Variants in UBE2D3 observed in about 807,000 individuals in gnomAD.
UBE2D3 encodes ubiquitin conjugating enzyme E2 D3, also known as ubiquitin-conjugating enzyme E2 D3.
UBE2D3 carries 2 observed loss-of-function variants against 22.8 expected under a neutral mutation model. The observed-to-expected ratio is 0.09, with a 90% confidence interval of 0.04 to 0.28. The LOEUF (loss-of-function observed/expected upper bound fraction) is 0.28, where lower values mean the gene tolerates loss of function less well. Ranked by LOEUF, UBE2D3 falls within the 10% of genes least tolerant of loss-of-function variation. The pLI is 1.00. For missense variants in UBE2D3, 27 were observed against 182.5 expected, an observed-to-expected ratio of 0.15 and a Z score of 4.91; for synonymous variants, 56 against 60.4, an observed-to-expected ratio of 0.93 and a Z score of 0.34.
chr4:102,840,991 G>T (rs1731721411), intron 1 of UBE2D3, among the ~76,000 whole-genome samples: 1 of 151,464 alleles, frequency 6.6e-6, no homozygotes, highest in African/African-American at 2.4e-5. Context: ...CTGCACTCCA[G>T]TCTGGGTGAC....
chr4:102,820,446 G>A (rs1359322610), intron 2 of UBE2D3, among the ~76,000 whole-genome samples: 1 of 152,262 alleles, frequency 6.6e-6, no homozygotes, highest in South Asian at 2.1e-4. Flanking sequence ...AGGTTTAACA[G>A]TAGGCACTGC....
chr4:102,860,201 G>GT (rs1317293097), intron 1 of UBE2D3, among the ~76,000 whole-genome samples: 3 of 149,206 alleles, frequency 2.0e-5, no homozygotes, highest in African/African-American at 7.3e-5. Context: ...TTCATGTATT[G>GT]TTTTCCTGAT....
intron 1 of UBE2D3, among the ~76,000 whole-genome samples, chr4:102,853,133 A>AT (rs1732445840): frequency 1.0e-5 from 1 of 97,302 alleles, no homozygotes; most frequent in Non-Finnish European, 2.0e-5. Context: ...ACAAACACAC[A>AT]CATTTTTTTT....
chr4:102,841,847 C>G (rs1255497096), intron 1 of UBE2D3, among the ~76,000 whole-genome samples: 1 of 152,134 alleles, frequency 6.6e-6, no homozygotes, highest in Non-Finnish European at 1.5e-5. Context: ...CATATTTGGT[C>G]CATTACTATA....
rs1732424079 is a variant in UBE2D3 at position 102,852,772 on chromosome 4, T to G, written c.-129+15943A>C. 2.0e-5 allele frequency among the ~76,000 whole-genome samples: 3 copies of G among 152,228 alleles called. No homozygotes were observed. The South Asian group carries it at 6.2e-4, about 31-fold the overall frequency. On this transcript the variant is annotated intron_variant, in intron 1 of 7. Transcript: ENST00000338145. ...AGAATGGTACAGCAAGGACAAAAGA[T>G]ATCTGTAGCTTAAAAAATTTTAATA...
intron 2 of UBE2D3, among the ~76,000 whole-genome samples, chr4:102,823,691 C>T (rs1367967517): frequency 1.3e-5 from 2 of 152,056 alleles, no homozygotes; most frequent in Admixed American, 1.3e-4. Flanking sequence ...TGTTTAATAG[C>T]CCTATTTAAG....
chr4:102,866,413 C>T (rs1044965406), intron 1 of UBE2D3, among the ~76,000 whole-genome samples: 1 of 152,108 alleles, frequency 6.6e-6, no homozygotes, highest in African/African-American at 2.4e-5. Context: ...ACATGCACAG[C>T]AATACAGAAT....
intron 1 of UBE2D3, among the ~76,000 whole-genome samples, chr4:102,835,943 A>AT (rs1291273036): frequency 6.6e-6 from 1 of 151,444 alleles, no homozygotes; most frequent in African/African-American, 2.4e-5. Flanking sequence ...ATTAGTTTGC[A>AT]TTTTCTAGAG....
At chr4:102,833,421 C>T (rs1731220590) in intron 1 of UBE2D3, among the ~76,000 whole-genome samples, 1 of 152,116 alleles carries the variant, frequency 6.6e-6, no homozygotes, top group African/African-American at 2.4e-5. Flanking sequence ...AGATCATAAA[C>T]CTAAATAAAA....
chr4:102,823,206 A>C (rs180832643), intron 2 of UBE2D3, among the ~76,000 whole-genome samples: 4 of 152,334 alleles, frequency 2.6e-5, no homozygotes, highest in East Asian at 1.9e-4. Context: ...ACAAAAAAAA[A>C]CTAAAGGATG....
intron 1 of UBE2D3, among the ~76,000 whole-genome samples, chr4:102,866,973 A>G (rs1043873584): frequency 6.6e-6 from 1 of 152,226 alleles, no homozygotes; most frequent in Non-Finnish European, 1.5e-5. Flanking sequence ...AGGATAAAAA[A>G]GCTCCAGGGT....
At chr4:102,842,069 C>CT (rs1354074682) in intron 1 of UBE2D3, among the ~76,000 whole-genome samples, 3 of 152,074 alleles carry the variant, frequency 2.0e-5, no homozygotes, top group African/African-American at 7.2e-5. Context: ...CATACTTTTA[C>CT]TTTTCTAAGA....
At chr4:102,805,044 T>C (rs1271765460) in intron 4 of UBE2D3, among the ~76,000 whole-genome samples, 3 of 152,178 alleles carry the variant, frequency 2.0e-5, no homozygotes, top group African/African-American at 4.8e-5. Context: ...TTCATTTCAA[T>C]TTTCATAAAA....
rs1725156196 is a variant in UBE2D3, at chr4:102,795,249, T to TC, written c.*2165dup. 6.6e-6 allele frequency: 1 copy of TC among 152,074 alleles called. No individual in the cohort carries two copies. Among genetic ancestry groups the TC allele is most frequent in the African/African-American group, 2.4e-5 (1 of 41,454 alleles). 9.4% of individuals were successfully genotyped at this position (152,074 alleles called of 1,614,324 possible). ...CATCTCCGTAAATACCTAAGGGTTGTCTAAGGCTATAAAGGTCAATTTGAA... is the reference window on the plus strand; with the variant it reads ...CATCTCCGTAAATACCTAAGGGTTGTCCTAAGGCTATAAAGGTCAATTTGAA... On this transcript the variant is annotated 3_prime_UTR_variant, in exon 8 of 8. Coordinates refer to ENST00000453744, the MANE Select transcript of UBE2D3 (RefSeq NM_181891.3).
chr4:102,863,050 G>GTTTTTTTTT (rs369719595), intron 1 of UBE2D3, among the ~76,000 whole-genome samples: 1 of 148,330 alleles, frequency 6.7e-6, no homozygotes, highest in Non-Finnish European at 1.5e-5. Flanking sequence ...GTTTTTCTTT[G>GTTTTTTTTT]TTTTTTTTTT....
chr4:102,846,875 C>G (rs1161308130), intron 1 of UBE2D3, among the ~76,000 whole-genome samples: 1 of 151,734 alleles, frequency 6.6e-6, no homozygotes, highest in Non-Finnish European at 1.5e-5. Context: ...AACTCCTGGG[C>G]TCAAGCAGTC....
chr4:102,800,658 T>C (rs961723817), intron 6 of UBE2D3, among the ~76,000 whole-genome samples: 1 of 152,090 alleles, frequency 6.6e-6, no homozygotes, highest in Non-Finnish European at 1.5e-5. Flanking sequence ...TTGTTTCTTT[T>C]TCTCCCTTAA....
intron 2 of UBE2D3, chr4:102,810,941 T>C (rs1032363569): frequency 2.0e-5 from 3 of 152,202 alleles, no homozygotes; most frequent in African/African-American, 7.2e-5. Context: ...TTAAGTTTAG[T>C]CTATGGCATA....
intron 2 of UBE2D3, among the ~76,000 whole-genome samples, chr4:102,815,189 G>A (rs1238374654): frequency 6.6e-6 from 1 of 151,790 alleles, no homozygotes; most frequent in Non-Finnish European, 1.5e-5. Flanking sequence ...AACTAGAGAT[G>A]TGCGCCACCA....
Sources: gnomAD v4.1 joint callset for allele counts (sites outside exome capture counted in the v4.1 genomes callset) on GRCh38, gnomAD v4.1.1 for gene constraint, MANE v1.5 for transcripts, NCBI Gene and HGNC (gene_info 2026-07-23, HGNC 2026-07-21) for gene names.